The following SLCO4C1 variants were observed in gnomAD, a reference collection of about 807,000 sequenced individuals.
SLCO4C1 encodes the protein organic anion transporter M1.
SLCO4C1 carries 58 observed loss-of-function variants against 72.1 expected under a neutral mutation model. The observed-to-expected ratio is 0.80, with a 90% CI of 0.65 to 1.00. The LOEUF is 1.00. Among genes scored for constraint, SLCO4C1 ranks in the 50% least tolerant of loss-of-function variants. The pLI is 0.00. For missense variants in SLCO4C1, 898 were observed against 857.9 expected, an observed-to-expected ratio of 1.05 and a Z score of -0.58; for synonymous variants, 297 against 312.5, an observed-to-expected ratio of 0.95 and a Z score of 0.52.
At chr5:102,284,777 C>T (rs1365781891) in intron 2 of SLCO4C1, among the ~76,000 whole-genome samples, 1 of 152,044 alleles carries the variant, frequency 6.6e-6, no homozygotes, top group African/African-American at 2.4e-5. Context: ...TTTTTTAAAC[C>T]TCTACCTACC....
intron 2 of SLCO4C1, among the ~76,000 whole-genome samples, chr5:102,275,022 TA>T (rs1173450528): frequency 6.6e-6 from 1 of 152,032 alleles, no homozygotes. Flanking sequence ...ATAATTTTAT[TA>T]AAATTAAGAT....
chr5:102,257,831 G>T, intron 7 of SLCO4C1, 112 bp downstream of exon 7: 1 of 971,618 alleles, frequency 1.0e-6, no homozygotes, highest in Non-Finnish European at 1.5e-6. Context: ...TGTTGGCCGG[G>T]CTGGTTTTAG....
Position 102,236,360 on chromosome 5 carries a change from C to T in SLCO4C1, c.*498G>A, listed in dbSNP as rs555000423. The T allele has an allele frequency of 9.9e-5, 15 of 152,268 alleles. No homozygotes were observed. Among genetic ancestry groups the T allele is most frequent in the African/African-American group, 3.4e-4 (14 of 41,472 alleles). The allele number at this position is 152,268 out of a possible 1,614,324, so 9.4% of individuals were successfully genotyped here. A position where few individuals can be genotyped will look rare whatever the true frequency, so the allele number is the denominator to read the frequency against. ...TTCATAGGCTTTCAATAATAATTCC[C>T]GGAAATCATCACACAACTTTGATTA... On this transcript the variant is annotated 3_prime_UTR_variant, in exon 13 of 13. Coordinates refer to ENST00000310954, the MANE Select transcript of SLCO4C1 (RefSeq NM_180991.5).
At chr5:102,260,924 A>C (rs1025263460) in intron 5 of SLCO4C1, among the ~76,000 whole-genome samples, 1 of 152,134 alleles carries the variant, frequency 6.6e-6, no homozygotes, top group African/African-American at 2.4e-5. Flanking sequence ...TCAGTCTGTC[A>C]GATTGTCTCT....
chr5:102,274,201 C>T (rs908397227), intron 2 of SLCO4C1, among the ~76,000 whole-genome samples: 7 of 151,968 alleles, frequency 4.6e-5, no homozygotes, highest in Non-Finnish European at 1.0e-4. Context: ...GAACCAATCC[C>T]CCATGGATAC....
At chr5:102,288,607 G>A (rs1749497488) in intron 2 of SLCO4C1, among the ~76,000 whole-genome samples, 1 of 152,094 alleles carries the variant, frequency 6.6e-6, no homozygotes, top group Non-Finnish European at 1.5e-5. Flanking sequence ...TGCATTTCAA[G>A]CACAATCTAA....
chr5:102,270,982 C>G (rs976982478), intron 2 of SLCO4C1, among the ~76,000 whole-genome samples, 176 bp from the exon 3 acceptor site: 17 of 152,096 alleles, frequency 1.1e-4, no homozygotes, highest in African/African-American at 3.9e-4. Flanking sequence ...CTTACCCCAG[C>G]CTGCCCTCAC....
intron 2 of SLCO4C1, among the ~76,000 whole-genome samples, chr5:102,286,811 ACG>A (rs1317535291): frequency 6.6e-6 from 1 of 152,156 alleles, no homozygotes; most frequent in Non-Finnish European, 1.5e-5. Flanking sequence ...TAGAAAGTCC[ACG>A]CTGTTTCAAA....
chr5:102,258,616 T>C (rs1748881700), intron 6 of SLCO4C1, among the ~76,000 whole-genome samples: 1 of 152,156 alleles, frequency 6.6e-6, no homozygotes, highest in Admixed American at 6.6e-5. Flanking sequence ...GCTAGACCTC[T>C]CATAATCTTA....
At chr5:102,250,605 C>A (rs1437566387) in intron 8 of SLCO4C1, among the ~76,000 whole-genome samples, 3 of 152,086 alleles carry the variant, frequency 2.0e-5, no homozygotes, top group Non-Finnish European at 2.9e-5. Flanking sequence ...CAGCAAAGTG[C>A]CTTTTAGAAG....
intron 3 of SLCO4C1, among the ~76,000 whole-genome samples, chr5:102,270,069 G>T (rs562438308): frequency 2.1e-4 from 32 of 152,134 alleles, no homozygotes; most frequent in Middle Eastern, 3.4e-3. Flanking sequence ...TTAACAGACT[G>T]ATAAAGAGAA....
chr5:102,247,191 C>G, intron 10 of SLCO4C1, 61 bp downstream of exon 10: 1 of 1,262,296 alleles, frequency 7.9e-7, no homozygotes, highest in Non-Finnish European at 1.1e-6. Flanking sequence ...AACCCCGAGT[C>G]CATTTGTTTT....
chr5:102,249,821 T>C lies in SLCO4C1; in HGVS notation c.1470-33A>G, dbSNP rs752549583. 17 of 1,606,202 alleles carry C rather than the reference T, an allele frequency of 1.1e-5. No individual in the cohort carries two copies. In the Admixed American group the frequency reaches 2.9e-4, roughly 28 times the overall value. ...TAAGAAATGAAAGAAGGGTAAATGATCTGTCATAACTTTTAACTAACAATT... is the reference window on the plus strand; with the variant it reads ...TAAGAAATGAAAGAAGGGTAAATGACCTGTCATAACTTTTAACTAACAATT... On this transcript the variant is annotated intron_variant, in intron 8 of 12. Transcript: ENST00000310954.
At chr5:102,248,924 A>G (rs144880134) in intron 9 of SLCO4C1, among the ~76,000 whole-genome samples, 5 of 152,308 alleles carry the variant, frequency 3.3e-5, no homozygotes, top group African/African-American at 1.2e-4. Flanking sequence ...ACTGTACAGA[A>G]AAGAAATAAC....
intron 11 of SLCO4C1, 36 bp downstream of exon 11, chr5:102,240,682 C>A: frequency 6.4e-7 from 1 of 1,557,922 alleles, no homozygotes; most frequent in Non-Finnish European, 8.8e-7. Flanking sequence ...ACCAAAATAG[C>A]CAACAGTTAG....
intron 8 of SLCO4C1, among the ~76,000 whole-genome samples, chr5:102,256,497 C>A (rs1033574997): frequency 2.6e-5 from 4 of 152,158 alleles, no homozygotes; most frequent in Admixed American, 2.6e-4. Flanking sequence ...TGCTGTGCAA[C>A]ACCCTCCTGC....
chr5:102,274,686 G>A (rs543506360), intron 2 of SLCO4C1, among the ~76,000 whole-genome samples: 4 of 152,190 alleles, frequency 2.6e-5, no homozygotes, highest in South Asian at 2.1e-4. Context: ...TAGTTTTGAG[G>A]GAACCCAGTC....
intron 12 of SLCO4C1, among the ~76,000 whole-genome samples, chr5:102,237,741 C>G (rs1254302857): frequency 6.6e-6 from 1 of 152,162 alleles, no homozygotes; most frequent in Non-Finnish European, 1.5e-5. Flanking sequence ...ACATTCCCTT[C>G]CAGGACAGAA....
chr5:102,235,889 G>T lies in SLCO4C1; in HGVS notation c.*969C>A, dbSNP rs2112327416. 6.6e-6 allele frequency: 1 copy of T among 152,250 alleles called. No individual in the cohort carries two copies. The highest frequency in any genetic ancestry group is 3.4e-3 in the Middle Eastern group (1 of 294). The allele number at this position is 152,250 out of a possible 1,614,324, so 9.4% of individuals were successfully genotyped here. ...AAGGTTGGGGACTGCTGAGTTAAAG[G>T]GTAGGGTTTAATATTCTAATTAAAC... On this transcript the variant is annotated 3_prime_UTR_variant, in exon 13 of 13. Coordinates refer to ENST00000310954, the MANE Select transcript of SLCO4C1 (RefSeq NM_180991.5).
Sources: gnomAD v4.1 joint callset for allele counts (sites outside exome capture counted in the v4.1 genomes callset) on GRCh38, gnomAD v4.1.1 for gene constraint, MANE v1.5 for transcripts, NCBI Gene and HGNC (gene_info 2026-07-23, HGNC 2026-07-21) for gene names.